The following ZMYM2 variants were observed in gnomAD, a reference collection of about 807,000 sequenced individuals.
ZMYM2 encodes the protein zinc finger MYM-type protein 2.
A neutral mutation model predicts 162.8 loss-of-function variants in ZMYM2; 56 were observed. That is an observed-to-expected ratio of 0.34 (90% CI 0.28 to 0.43). The LOEUF (loss-of-function observed/expected upper bound fraction) is 0.43, where lower values mean the gene tolerates loss of function less well. Among genes scored for constraint, ZMYM2 ranks in the 20% least tolerant of loss-of-function variants. The probability of loss-of-function intolerance (pLI) is 1.00; values close to 1 mark genes in which losing one functional copy is unlikely to be tolerated. For missense variants in ZMYM2, 1,275 were observed against 1,621.8 expected (o/e 0.79, Z 3.67); for synonymous variants, 510 against 541.6 (o/e 0.94, Z 0.81).
At chr13:20,053,427 G>C (rs920300822) in intron 14 of ZMYM2, among the ~76,000 whole-genome samples, 3 of 152,160 alleles carry the variant, frequency 2.0e-5, no homozygotes, top group Non-Finnish European at 4.4e-5. Flanking sequence ...AAGGCAAGTG[G>C]ATCACCTGAG....
intron 12 of ZMYM2, among the ~76,000 whole-genome samples, chr13:20,041,934 C>A (rs1251969147): frequency 6.6e-6 from 1 of 152,098 alleles, no homozygotes; most frequent in Non-Finnish European, 1.5e-5. Flanking sequence ...TGCTATTAGT[C>A]CGATGAGTTT....
At chr13:19,998,036 C>T (rs1555293803) in intron 3 of ZMYM2, among the ~76,000 whole-genome samples, 1 of 152,162 alleles carries the variant, frequency 6.6e-6, no homozygotes, top group Non-Finnish European at 1.5e-5. Flanking sequence ...CCTGTTTACT[C>T]AAACTCTGTA....
At chr13:20,004,765 C>T (rs540638397) in intron 4 of ZMYM2, among the ~76,000 whole-genome samples, 8 of 152,278 alleles carry the variant, frequency 5.3e-5, no homozygotes, top group Non-Finnish European at 1.0e-4. Context: ...TAATCCTTAA[C>T]ATTAATTCCA....
chr13:20,075,786 ATTC>A (rs1273660794), intron 21 of ZMYM2, among the ~76,000 whole-genome samples: 3 of 145,042 alleles, frequency 2.1e-5, no homozygotes, highest in African/African-American at 5.2e-5. Flanking sequence ...GGTTTAAGCA[ATTC>A]TTCTGCCTCA....
In ZMYM2 at chr13:20,031,339, T is replaced by C; in HGVS notation, c.1872T>C (p.Ser624=). The part of the protein sequence containing the change: ...AKFQALSMQS[S]PNGQFVAPSD... ...TTTAGGCTCTAAGTATGCAGTCATC[T>C]CCAAATGGCCAGTTTGTAGCGCCAA... Residue 624 remains serine (S), a synonymous_variant, in exon 10 of 25, where the codon TCT becomes TCC. Transcript: ENST00000610343. 1 of 1,607,814 alleles carries C rather than the reference T, an allele frequency of 6.2e-7. No individual in the cohort carries two copies. The highest frequency in any genetic ancestry group is 8.5e-7 in the Non-Finnish European group (1 of 1,178,432).
At chr13:19,960,727 A>G (rs1290544787) in intron 2 of ZMYM2, among the ~76,000 whole-genome samples, 1 of 152,222 alleles carries the variant, frequency 6.6e-6, no homozygotes, top group South Asian at 2.1e-4. Context: ...TAAGGCAACT[A>G]TGTAATGTGC....
intron 6 of ZMYM2, among the ~76,000 whole-genome samples, chr13:20,010,527 TG>T (rs1207630174): frequency 2.0e-5 from 3 of 152,214 alleles, no homozygotes; most frequent in Non-Finnish European, 4.4e-5. Flanking sequence ...ATTTGCTTGT[TG>T]GCCATTTGTG....
intron 3 of ZMYM2, among the ~76,000 whole-genome samples, chr13:19,996,976 G>GTGC (rs1244637922): frequency 2.0e-5 from 3 of 152,170 alleles, no homozygotes; most frequent in African/African-American, 7.2e-5. Context: ...GGAGACTGTA[G>GTGC]TGCTCTGTGC....
the ZMYM2 span, among the ~76,000 whole-genome samples, chr13:19,908,688 A>G: frequency 6.6e-6 from 1 of 151,752 alleles, no homozygotes; most frequent in South Asian, 2.2e-4. Flanking sequence ...TATTTCCCCA[A>G]ACAAAAACAA....
intron 4 of ZMYM2, among the ~76,000 whole-genome samples, chr13:20,003,959 G>GT (rs1950565960): frequency 6.6e-6 from 1 of 151,910 alleles, no homozygotes; most frequent in Non-Finnish European, 1.5e-5. Context: ...CTCTTCTGCT[G>GT]TTTTTTGATC....
the ZMYM2 span, among the ~76,000 whole-genome samples, chr13:19,885,934 C>T: frequency 1.5e-3 from 120 of 82,304 alleles, 33 homozygotes; most frequent in African/African-American, 6.2e-3. Context: ...TATGTGTATA[C>T]ACATATATAT....
At chr13:19,923,062 G>A in the ZMYM2 span, among the ~76,000 whole-genome samples, 1 of 150,130 alleles carries the variant, frequency 6.7e-6, no homozygotes, top group African/African-American at 2.4e-5. Flanking sequence ...AGTCAGGGCC[G>A]GATGTGATGG....
At chr13:20,015,920 C>T (rs1951586178) in intron 6 of ZMYM2, among the ~76,000 whole-genome samples, 1 of 151,806 alleles carries the variant, frequency 6.6e-6, no homozygotes, top group Non-Finnish European at 1.5e-5. Flanking sequence ...GTACATGGAT[C>T]AAATTATCCG....
intron 5 of ZMYM2, 94 bp from the exon 6 acceptor site, chr13:20,006,280 A>T: frequency 2.3e-6 from 3 of 1,276,670 alleles, no homozygotes; most frequent in African/African-American, 1.5e-5. Context: ...AACAAGCCTT[A>T]TTAGGACATC....
At position 19,970,761 on chromosome 13, in the gene ZMYM2, T is replaced by G. The variant is rs183564020; in HGVS notation, c.-11+10735T>G. Among the ~76,000 whole-genome samples, 344 of 152,314 alleles carry G rather than the reference T, an allele frequency of 2.3e-3. 1 individual carries two copies. Among genetic ancestry groups the G allele is most frequent in the Middle Eastern group, 6.8e-3 (2 of 294 alleles). On this transcript the variant is annotated intron_variant, in intron 2 of 24. Coordinates refer to ENST00000610343, the MANE Select transcript of ZMYM2 (RefSeq NM_197968.4). ...TTTTCCCTCATGGACCTTGCAGTCT[T>G]CTGGGGGTTACAGATTACAAATCAA...
chr13:19,967,006 T>G (rs1257556353), intron 2 of ZMYM2, among the ~76,000 whole-genome samples: 1 of 152,206 alleles, frequency 6.6e-6, no homozygotes, highest in Non-Finnish European at 1.5e-5. Flanking sequence ...CCAGTTAGTC[T>G]CTCTTCCATG....
At chr13:19,994,006 TGTTTA>T in intron 3 of ZMYM2, 87 bp downstream of exon 3, 1 of 1,414,294 alleles carries the variant, frequency 7.1e-7, no homozygotes, top group Non-Finnish European at 9.5e-7. Context: ...GGTATTACCT[TGTTTA>T]GTTTCATCAT....
chr13:19,894,135 C>T, the ZMYM2 span, among the ~76,000 whole-genome samples: 5 of 151,876 alleles, frequency 3.3e-5, no homozygotes, highest in Non-Finnish European at 7.3e-5. Flanking sequence ...AGATGCTTCT[C>T]AACTTACGAT....
intron 3 of ZMYM2, among the ~76,000 whole-genome samples, chr13:19,994,634 C>T (rs1294598185): frequency 1.3e-5 from 2 of 151,936 alleles, no homozygotes; most frequent in South Asian, 2.1e-4. Context: ...GGATTATAGG[C>T]GTCCACCACC....
Sources: allele counts gnomAD v4.1 joint callset (sites outside exome capture counted in the v4.1 genomes callset), GRCh38; gene constraint gnomAD v4.1.1; transcripts MANE v1.5; gene names NCBI Gene and HGNC (gene_info 2026-07-23, HGNC 2026-07-21).